Variants in CCDC124 observed in about 807,000 individuals in gnomAD.
CCDC124 encodes the protein coiled-coil domain-containing protein 124.
Under a neutral mutation model 19.8 loss-of-function variants are expected in CCDC124, and 9 were observed. That is an observed-to-expected ratio of 0.45 (90% confidence interval 0.27 to 0.79). The LOEUF (loss-of-function observed/expected upper bound fraction) is 0.79, where lower values mean the gene tolerates loss of function less well. Among genes scored for constraint, CCDC124 ranks in the 30% least tolerant of loss-of-function variants. CCDC124 has a pLI of 0.14. For missense variants in CCDC124, 285 were observed against 319.0 expected (o/e 0.89, Z 0.81); for synonymous variants, 126 against 131.3 (o/e 0.96, Z 0.27).
chr19:17,936,462 G>A lies in CCDC124; in HGVS notation c.42G>A (p.Ala14=), dbSNP rs148377519. ...KFQGENTKSA[A]ARARRAEAKA... ...AGGGTGAGAACACCAAGTCGGCAGC[G>A]GCCCGGGCACGTAGGGCAGAGGCCA... The change falls in exon 2 of 5, where the codon GCG becomes GCA. Residue 14 remains alanine, a synonymous_variant. Coordinates refer to ENST00000445755, the MANE Select transcript of CCDC124 (RefSeq NM_001136203.2). The A allele has an allele frequency of 5.1e-5, 82 of 1,613,244 alleles. No individual in the cohort carries two copies. In the Middle Eastern group the frequency reaches 8.2e-4, roughly 16 times the overall value.
intron 1 of CCDC124, among the ~76,000 whole-genome samples, chr19:17,934,561 GGATCACTTGAGCCCAGGA>G (rs1207512807): frequency 6.6e-6 from 1 of 151,256 alleles, no homozygotes; most frequent in East Asian, 1.9e-4. Flanking sequence ...CGAGGCGGGA[GGATCACTTGAGCCCAGGA>G]GTTCAAGGCC....
Position 17,942,989 on chromosome 19 carries a change from A to T in CCDC124, c.349+144A>T. ...GTGGGTGGGTAGGCCGCCTCCTGGT[A>T]GGCCTGGCCGTGAGCAGACAACCTC... On this transcript the variant is annotated intron_variant, in intron 3 of 4. Coordinates refer to ENST00000445755, the MANE Select transcript of CCDC124 (RefSeq NM_001136203.2). The surrounding 1 kb of genome is among the most constrained non-coding windows in gnomAD (Gnocchi z 4.2). The T allele has an allele frequency of 9.8e-7, 1 of 1,024,380 alleles. No homozygotes were observed. Among genetic ancestry groups the T allele is most frequent in the Non-Finnish European group, 1.4e-6 (1 of 722,066 alleles). 63.5% of individuals were successfully genotyped at this position (1,024,380 alleles called of 1,614,324 possible).
chr19:17,939,456 G>A (rs1006469753), intron 2 of CCDC124, among the ~76,000 whole-genome samples: 2 of 152,024 alleles, frequency 1.3e-5, no homozygotes, highest in African/African-American at 2.4e-5. Context: ...AGACCTTTCC[G>A]CCCATAGTGT....
At chr19:17,934,459 G>A (rs146564651) in intron 1 of CCDC124, among the ~76,000 whole-genome samples, 119 of 151,966 alleles carry the variant, frequency 7.8e-4, no homozygotes, top group Middle Eastern at 3.4e-3. Flanking sequence ...AAAATGTGGC[G>A]TATCCATGCA....
At chr19:17,941,604 G>C (rs1189948135) in intron 2 of CCDC124, among the ~76,000 whole-genome samples, 1 of 152,068 alleles carries the variant, frequency 6.6e-6, no homozygotes, top group Non-Finnish European at 1.5e-5. Flanking sequence ...GACCGAGGGG[G>C]AAACTAAGGC....
chr19:17,936,714 C>T (rs956025404), intron 2 of CCDC124, 135 bp downstream of exon 2: 1 of 1,096,374 alleles, frequency 9.1e-7, no homozygotes. Context: ...GGCGCTGTCG[C>T]TCACGCCTGT....
At chr19:17,937,288 A>G (rs1463337004) in intron 2 of CCDC124, among the ~76,000 whole-genome samples, 1 of 152,224 alleles carries the variant, frequency 6.6e-6, no homozygotes, top group Non-Finnish European at 1.5e-5. Context: ...CTCGGAAAAC[A>G]AAAAGCAAAA....
rs1027723934 is a variant in CCDC124, at chr19:17,943,590, C to G, written c.547C>G (p.Arg183Gly). ...FTAFEEAQLP[R>G]LKQENPNMRL... ...AGCCTTTGAGGAAGCCCAGCTGCCG[C>G]GGCTCAAACAAGAGAACCCCAACAT... The change falls in exon 5 of 5, where the codon CGG (arginine) becomes GGG (glycine). Residue 183 changes from arginine (R) to glycine (G), a missense_variant. Coordinates refer to ENST00000445755, the MANE Select transcript of CCDC124 (RefSeq NM_001136203.2). 1.9e-6 allele frequency: 3 copies of G among 1,612,914 alleles called. No individual in the cohort carries two copies. The highest frequency in any genetic ancestry group is 2.5e-6 in the Non-Finnish European group (3 of 1,179,954).
chr19:17,943,241 T>TCTGGGGG lies in CCDC124; in HGVS notation c.350-19_350-18insTGGGGGC. Reference sequence around the variant, plus strand: ...CTTTGCTTATCTCTCTCTGTCTCTGTCACCCACCCACCCGCCCAGCCGAGA... The same window carrying TCTGGGGG: ...CTTTGCTTATCTCTCTCTGTCTCTGTCTGGGGGCACCCACCCACCCGCCCAGCCGAGA... On this transcript the variant is annotated intron_variant, in intron 3 of 4. Transcript: ENST00000445755. The TCTGGGGG allele has an allele frequency of 1.2e-5, 9 of 736,658 alleles. No homozygotes were observed. The highest frequency in any genetic ancestry group is 2.7e-5 in the East Asian group (1 of 37,084). 45.6% of individuals were successfully genotyped at this position (736,658 alleles called of 1,614,324 possible).
At chr19:17,936,784 C>T (rs947436730) in intron 2 of CCDC124, 2 of 536,946 alleles carry the variant, frequency 3.7e-6, no homozygotes, top group African/African-American at 1.9e-5. Context: ...AGTTCAAGAT[C>T]AGCCTGGCCA....
chr19:17,943,262 C>G lies in CCDC124; in HGVS notation c.351C>G (p.Ala117=). The part of the protein sequence containing the change: ...DHQLREAPDT[A]EKAKSHLEVP... The stretch of plus-strand genomic sequence containing the variant: ...TCTGTCACCCACCCACCCGCCCAGC[C>G]GAGAAAGCCAAGAGCCATCTGGAGG... The change falls in exon 4 of 5, where the codon GCC becomes GCG. Residue 117 remains alanine (A), a splice_region_variant and synonymous_variant. Transcript: ENST00000445755. The G allele has an allele frequency of 6.5e-7, 1 of 1,543,080 alleles. No individual in the cohort carries two copies. Among genetic ancestry groups the G allele is most frequent in the Non-Finnish European group, 8.7e-7 (1 of 1,147,328 alleles).
chr19:17,943,175 TC>T, intron 3 of CCDC124, 85 bp from the exon 4 acceptor site: 1 of 1,138,904 alleles, frequency 8.8e-7, no homozygotes. Context: ...GCCCCTAGCT[TC>T]TCTTGCCAGT....
In CCDC124 at chr19:17,943,242, C is replaced by CGGGGGGGCG; in HGVS notation, c.350-19_350-18insGGGGGGGCG. ...TTTGCTTATCTCTCTCTGTCTCTGT[C>CGGGGGGGCG]ACCCACCCACCCGCCCAGCCGAGAA... On this transcript the variant is annotated intron_variant, in intron 3 of 4. Transcript: ENST00000445755. 1 of 734,676 alleles carries CGGGGGGGCG rather than the reference C, an allele frequency of 1.4e-6. No homozygotes were observed. The highest frequency in any genetic ancestry group is 2.4e-6 in the Non-Finnish European group (1 of 419,644). 45.5% of individuals were successfully genotyped at this position (734,676 alleles called of 1,614,324 possible). A position where few individuals can be genotyped will look rare whatever the true frequency, so the allele number is the denominator to read the frequency against.
At position 17,943,383 on chromosome 19, in the gene CCDC124, G is replaced by C; in HGVS notation, c.464+8G>C. The C allele has an allele frequency of 6.4e-7, 1 of 1,572,770 alleles. No homozygotes were observed. Among genetic ancestry groups the C allele is most frequent in the Non-Finnish European group, 8.6e-7 (1 of 1,162,992 alleles). ...CGCCATTGCAGTGCTCAGGTAACGG[G>C]GCGGGGCCTGGGGCTTTCCCAGGGG... On this transcript the variant is annotated splice_region_variant and intron_variant, in intron 4 of 4. Coordinates refer to ENST00000445755, the MANE Select transcript of CCDC124 (RefSeq NM_001136203.2).
At position 17,942,335 on chromosome 19, in the gene CCDC124, C is replaced by T. The variant is rs1267552163; in HGVS notation, c.160-321C>T. ...AAGCTGTTCCTGTTACAACAAATGG[C>T]TCCTGCCTCGGCGCCTTTGCACTGG... is the stretch of plus-strand genomic sequence containing the variant. On this transcript the variant is annotated intron_variant, in intron 2 of 4. Coordinates refer to ENST00000445755, the MANE Select transcript of CCDC124 (RefSeq NM_001136203.2). The surrounding 1 kb of genome is among the most constrained non-coding windows in gnomAD (Gnocchi z 4.2). Among the ~76,000 whole-genome samples, 1 of 152,166 alleles carries T rather than the reference C, an allele frequency of 6.6e-6. No individual in the cohort carries two copies. The highest frequency in any genetic ancestry group is 1.5e-5 in the Non-Finnish European group (1 of 68,032).
At position 17,943,386 on chromosome 19, in the gene CCDC124, G is replaced by A; in HGVS notation, c.464+11G>A. 2 of 1,569,346 alleles carry A rather than the reference G, an allele frequency of 1.3e-6. No homozygotes were observed. Among genetic ancestry groups the A allele is most frequent in the Non-Finnish European group, 1.7e-6 (2 of 1,161,270 alleles). On this transcript the variant is annotated intron_variant, in intron 4 of 4. Coordinates refer to ENST00000445755, the MANE Select transcript of CCDC124 (RefSeq NM_001136203.2). The stretch of plus-strand genomic sequence containing the variant: ...CATTGCAGTGCTCAGGTAACGGGGC[G>A]GGGCCTGGGGCTTTCCCAGGGGTGG...
chr19:17,935,824 C>T (rs1393202474), intron 1 of CCDC124, among the ~76,000 whole-genome samples: 1 of 152,226 alleles, frequency 6.6e-6, no homozygotes, highest in African/African-American at 2.4e-5. Context: ...CTCAGGTGAT[C>T]CGCCCACCTT....
In CCDC124 at chr19:17,943,314, C is replaced by T. The variant is rs2031232340; in HGVS notation, c.403C>T (p.Arg135Cys). The change falls in exon 4 of 5, where the codon CGC (arginine) becomes TGC (cysteine). Residue 135 changes from arginine to cysteine, a missense_variant. Transcript: ENST00000445755. ...EVPLEENVNR[R>C]VLEEGSVEAR... ...GCCGCTGGAGGAGAACGTGAACCGC[C>T]GCGTGCTGGAGGAGGGCAGCGTGGA... 6.3e-7 allele frequency: 1 copy of T among 1,596,474 alleles called. No homozygotes were observed. The highest frequency in any genetic ancestry group is 8.5e-7 in the Non-Finnish European group (1 of 1,175,212).
intron 2 of CCDC124, among the ~76,000 whole-genome samples, chr19:17,941,503 C>CTT (rs35827475): frequency 0.27 from 39,758 of 147,236 alleles, 5,918 homozygotes; most frequent in Non-Finnish European, 0.34. Flanking sequence ...CTGAGAGAGA[C>CTT]TGTCTCAGAA....
Sources: gnomAD v4.1 joint callset for allele counts (sites outside exome capture counted in the v4.1 genomes callset) on GRCh38, gnomAD v4.1.1 for gene constraint, Gnocchi (gnomAD v3.1) non-coding constraint, MANE v1.5 for transcripts, NCBI Gene and HGNC (gene_info 2026-07-23, HGNC 2026-07-21) for gene names.